The following PLEKHD1 variants were observed in gnomAD, a reference collection of about 807,000 sequenced individuals.
The protein encoded by PLEKHD1 is pleckstrin homology and coiled-coil domain containing D1.
PLEKHD1 carries 51 observed loss-of-function variants against 69.2 expected under a neutral mutation model. The observed-to-expected ratio is 0.74, with a 90% CI of 0.59 to 0.93. PLEKHD1 has a LOEUF of 0.93. PLEKHD1 is among the 40% of genes least tolerant of loss of function. The probability of loss-of-function intolerance (pLI) is 0.00; values close to 1 mark genes in which losing one functional copy is unlikely to be tolerated. For synonymous variants in PLEKHD1, 236 were observed against 244.7 expected, an observed-to-expected ratio of 0.96 and a Z score of 0.33; for missense variants, 584 against 641.0, an observed-to-expected ratio of 0.91 and a Z score of 0.96.
chr14:69,478,161 A>T, the PLEKHD1 span, among the ~76,000 whole-genome samples: 1 of 152,214 alleles, frequency 6.6e-6, no homozygotes, highest in Non-Finnish European at 1.5e-5. Context: ...CCAAGGCCTG[A>T]GGCTTGTGCC....
upstream of PLEKHD1, among the ~76,000 whole-genome samples, chr14:69,480,597 T>C (rs749362564): frequency 4.6e-5 from 7 of 152,172 alleles, no homozygotes; most frequent in Admixed American, 6.5e-5. Context: ...TATTAGGCAA[T>C]GTTTCCTGCC....
intron 6 of PLEKHD1, among the ~76,000 whole-genome samples, chr14:69,505,657 C>T (rs1883135985): frequency 6.6e-6 from 1 of 152,174 alleles, no homozygotes; most frequent in Non-Finnish European, 1.5e-5. Flanking sequence ...CTGGCTGCTG[C>T]GTACTTCTAG....
In PLEKHD1 at chr14:69,526,734, G is replaced by A; in HGVS notation, c.961G>A (p.Glu321Lys). The change falls in exon 10 of 13, where the codon GAG becomes AAG. Residue 321 changes from glutamate to lysine, a missense_variant. By Grantham distance (56) the Glu-to-Lys change is moderately conservative. Coordinates refer to ENST00000322564, the MANE Select transcript of PLEKHD1 (RefSeq NM_001161498.2). Reference protein sequence around the residue: ...ENEERSRALEEEREFYSSQSQ... With the variant: ...ENEERSRALEKEREFYSSQSQ... ...CGAGGAGCGCTCACGGGCCCTGGAG[G>A]AGGAGCGTGAGTTCTACTCCAGCCA... 1.3e-6 allele frequency: 2 copies of A among 1,547,370 alleles called. No individual in the cohort carries two copies. The highest frequency in any genetic ancestry group is 1.7e-4 in the Middle Eastern group (1 of 5,970).
intron 6 of PLEKHD1, among the ~76,000 whole-genome samples, chr14:69,507,882 TA>T (rs1883186960): frequency 6.6e-6 from 1 of 151,980 alleles, no homozygotes. Context: ...CTAATTTTTT[TA>T]AATTATTTTT....
chr14:69,485,892 G>A (rs1882645144), intron 1 of PLEKHD1, among the ~76,000 whole-genome samples: 1 of 152,170 alleles, frequency 6.6e-6, no homozygotes, highest in Admixed American at 6.5e-5. Context: ...ACTCAGACGC[G>A]ACTCCGCGGA....
intron 1 of PLEKHD1, among the ~76,000 whole-genome samples, chr14:69,495,375 C>T (rs1882865834): frequency 6.6e-6 from 1 of 152,174 alleles, no homozygotes; most frequent in African/African-American, 2.4e-5. Context: ...TAAGCCAGGT[C>T]ACTCCTGCTC....
At chr14:69,478,147 G>A in the PLEKHD1 span, among the ~76,000 whole-genome samples, 1 of 152,238 alleles carries the variant, frequency 6.6e-6, no homozygotes, top group African/African-American at 2.4e-5. Context: ...CCATGTGGAA[G>A]TTGCCAAGGC....
At chr14:69,487,322 G>GC (rs1442889312) in intron 1 of PLEKHD1, among the ~76,000 whole-genome samples, 1 of 152,120 alleles carries the variant, frequency 6.6e-6, no homozygotes, top group African/African-American at 2.4e-5. Context: ...TCCCATCAGG[G>GC]CCCCCTGGGC....
At chr14:69,485,252 G>A in intron 1 of PLEKHD1, 138 bp downstream of exon 1, 2 of 1,073,128 alleles carry the variant, frequency 1.9e-6, no homozygotes, top group Non-Finnish European at 2.6e-6. Flanking sequence ...CTCTACACTG[G>A]CTCCCGCAGG....
At chr14:69,474,356 T>C in the PLEKHD1 span, among the ~76,000 whole-genome samples, 3 of 151,978 alleles carry the variant, frequency 2.0e-5, no homozygotes, top group Non-Finnish European at 4.4e-5. Context: ...TAGGGGGAAA[T>C]GAGGGCTGAA....
At position 69,508,262 on chromosome 14, in the gene PLEKHD1, C is replaced by G. The variant is rs113788520; in HGVS notation, c.555+5383C>G. On this transcript the variant is annotated intron_variant, in intron 6 of 12. Transcript: ENST00000322564. ...TCTCTACTAAAATACAAAAATTAGC[C>G]GGGGGTGGTGATGTGTGCCTATAAT... Among the ~76,000 whole-genome samples, 183 of 151,946 alleles carry G rather than the reference C, an allele frequency of 1.2e-3. 1 individual carries two copies. The highest frequency in any genetic ancestry group is 4.3e-3 in the African/African-American group (177 of 41,440).
chr14:69,504,453 C>G (rs1237395489), intron 6 of PLEKHD1, among the ~76,000 whole-genome samples: 2 of 136,566 alleles, frequency 1.5e-5, no homozygotes, highest in African/African-American at 5.3e-5. Flanking sequence ...CAGGCCATAT[C>G]ATCAAAAAGC....
the PLEKHD1 span, among the ~76,000 whole-genome samples, chr14:69,472,088 A>G: frequency 6.6e-6 from 1 of 152,002 alleles, no homozygotes; most frequent in African/African-American, 2.4e-5. Context: ...TCAGAACCAA[A>G]CACCACACAC....
intron 1 of PLEKHD1, among the ~76,000 whole-genome samples, chr14:69,495,390 C>CCAGGTCA (rs1882866231): frequency 6.6e-6 from 1 of 152,202 alleles, no homozygotes; most frequent in East Asian, 1.9e-4. Context: ...CTGCTCAAAG[C>CCAGGTCA]CTTCCAGTGG....
At chr14:69,486,291 C>T (rs1389088312) in intron 1 of PLEKHD1, among the ~76,000 whole-genome samples, 2 of 152,204 alleles carry the variant, frequency 1.3e-5, no homozygotes, top group African/African-American at 4.8e-5. Context: ...TTCTATAAGA[C>T]CGCAGAACAA....
rs1201078790 is a variant in PLEKHD1, at chr14:69,500,568, C to T, written c.244-9C>T. On this transcript the variant is annotated splice_polypyrimidine_tract_variant and intron_variant, in intron 2 of 12. Coordinates refer to ENST00000322564, the MANE Select transcript of PLEKHD1 (RefSeq NM_001161498.2). ...GGGGTGGGGGCTGCCTGTTCTGGTT[C>T]TTCCTCAGGGCGTCATCCCTCTGGG... 1 of 1,545,096 alleles carries T rather than the reference C, an allele frequency of 6.5e-7. No homozygotes were observed. Among genetic ancestry groups the T allele is most frequent in the Non-Finnish European group, 8.7e-7 (1 of 1,143,816 alleles).
chr14:69,482,307 C>T (rs546514566), upstream of PLEKHD1, among the ~76,000 whole-genome samples: 7 of 152,342 alleles, frequency 4.6e-5, no homozygotes, highest in African/African-American at 1.4e-4. Flanking sequence ...TCCTGCCTTT[C>T]TCTGGCCCAC....
At chr14:69,470,478 G>C in the PLEKHD1 span, among the ~76,000 whole-genome samples, 1 of 151,760 alleles carries the variant, frequency 6.6e-6, no homozygotes, top group Non-Finnish European at 1.5e-5. Flanking sequence ...CTAGTAAATG[G>C]CTGAGTTGGT....
Position 69,528,404 on chromosome 14 carries a change from C to T in PLEKHD1, c.1506C>T (p.Ser502=). 6.4e-7 allele frequency: 1 copy of T among 1,550,998 alleles called. No individual in the cohort carries two copies. The highest frequency in any genetic ancestry group is 8.7e-7 in the Non-Finnish European group (1 of 1,146,964). Reference sequence around the variant, plus strand: ...AGCCTGGAGCCCCCTCGGCACTCTCCCGGGGTGGAAAGTGATGGGCGCTCC... The same window carrying T: ...AGCCTGGAGCCCCCTCGGCACTCTCTCGGGGTGGAAAGTGATGGGCGCTCC... ...ATQPGAPSAL[S]RGGK Residue 502 remains serine (S), a synonymous_variant, in exon 13 of 13, where the codon TCC becomes TCT. Coordinates refer to ENST00000322564, the MANE Select transcript of PLEKHD1 (RefSeq NM_001161498.2).
Sources: gnomAD v4.1 joint callset for allele counts (sites outside exome capture counted in the v4.1 genomes callset) on GRCh38, gnomAD v4.1.1 for gene constraint, MANE v1.5 for transcripts, NCBI Gene and HGNC (gene_info 2026-07-23, HGNC 2026-07-21) for gene names.